Variants in ERP44 observed in about 807,000 individuals in gnomAD.
ERP44 encodes endoplasmic reticulum resident protein 44.
ERP44 carries 25 observed loss-of-function variants against 53.4 expected under a neutral mutation model. That is an observed-to-expected ratio of 0.47 (90% CI 0.34 to 0.65). The LOEUF (loss-of-function observed/expected upper bound fraction) is 0.65, where lower values mean the gene tolerates loss of function less well. ERP44 is among the 30% of genes least tolerant of loss of function. The pLI, the probability that ERP44 is intolerant of heterozygous loss-of-function variation, is 0.01. For missense variants in ERP44, 338 were observed against 493.2 expected (o/e 0.69, Z 2.98); for synonymous variants, 145 against 161.2 (o/e 0.90, Z 0.76).
At chr9:100,055,163 TA>T (rs1265746182) in intron 3 of ERP44, among the ~76,000 whole-genome samples, 1 of 151,862 alleles carries the variant, frequency 6.6e-6, no homozygotes, top group African/African-American at 2.4e-5. Context: ...TTCTGAGCAT[TA>T]AAAAAAACCT....
intron 1 of ERP44, among the ~76,000 whole-genome samples, chr9:100,063,231 G>A (rs1352185545): frequency 1.3e-5 from 2 of 152,042 alleles, no homozygotes; most frequent in Admixed American, 6.6e-5. Flanking sequence ...AAAATACTGT[G>A]CTAATAAATA....
intron 4 of ERP44, among the ~76,000 whole-genome samples, chr9:100,026,114 C>T (rs1458703480): frequency 6.6e-6 from 1 of 152,184 alleles, no homozygotes; most frequent in African/African-American, 2.4e-5. Flanking sequence ...ATTAAGCCTG[C>T]AGTTGCAGAT....
At chr9:100,006,769 A>G (rs1830428863) in intron 9 of ERP44, 122 bp from the exon 10 acceptor site, 1 of 622,318 alleles carries the variant, frequency 1.6e-6, no homozygotes, top group Non-Finnish European at 2.7e-6. Flanking sequence ...TAAGAGTAAT[A>G]TAGATCAGAA....
intron 10 of ERP44, among the ~76,000 whole-genome samples, chr9:99,989,118 A>G (rs1830226795): frequency 6.6e-6 from 1 of 152,236 alleles, no homozygotes; most frequent in Admixed American, 6.5e-5. Context: ...GGCATAGCTG[A>G]ATAAAAGGCA....
intron 10 of ERP44, chr9:99,999,060 A>G (rs1418056943): frequency 2.7e-6 from 2 of 745,524 alleles, no homozygotes; most frequent in Non-Finnish European, 2.4e-6. Flanking sequence ...CAGGAGGCGG[A>G]TGACCGCCTG....
chr9:100,037,104 T>C (rs1825854230), intron 4 of ERP44, among the ~76,000 whole-genome samples: 1 of 152,178 alleles, frequency 6.6e-6, no homozygotes, highest in Non-Finnish European at 1.5e-5. Context: ...AAAAACTGTC[T>C]TGAATCACCA....
At chr9:100,008,610 A>C (rs973396059) in intron 8 of ERP44, among the ~76,000 whole-genome samples, 6 of 152,334 alleles carry the variant, frequency 3.9e-5, no homozygotes, top group African/African-American at 1.4e-4. Context: ...ATTTTTTAAA[A>C]AACAAACTGG....
At chr9:100,066,202 T>A (rs1158850660) in intron 1 of ERP44, among the ~76,000 whole-genome samples, 1 of 152,244 alleles carries the variant, frequency 6.6e-6, no homozygotes, top group African/African-American at 2.4e-5. Context: ...ATGTTTTTGA[T>A]CCTCAAATAT....
chr9:100,065,420 C>T (rs1260356904), intron 1 of ERP44, among the ~76,000 whole-genome samples: 1 of 152,074 alleles, frequency 6.6e-6, no homozygotes, highest in Admixed American at 6.5e-5. Flanking sequence ...ATATCCCCGT[C>T]ATCATGCCAT....
At chr9:100,065,683 A>G (rs1826203497) in intron 1 of ERP44, among the ~76,000 whole-genome samples, 1 of 152,210 alleles carries the variant, frequency 6.6e-6, no homozygotes, top group Non-Finnish European at 1.5e-5. Context: ...GAAGAGTTAT[A>G]TTACATTAGT....
chr9:100,022,120 T>G lies in ERP44; in HGVS notation c.393A>C (p.Ala131=), dbSNP rs1564091747. The change falls in exon 5 of 12, where the codon GCA becomes GCC. Residue 131 remains alanine (A), a synonymous_variant. Transcript: ENST00000262455. ...REYRGQRSVK[A]LADYIRQQKS... Reference sequence around the variant, plus strand: ...TTTGTTGCCTGATGTAATCTGCCAATGCTTTCACTGATCGCTGACCCCTGT... The same window carrying G: ...TTTGTTGCCTGATGTAATCTGCCAAGGCTTTCACTGATCGCTGACCCCTGT... The G allele has an allele frequency of 6.2e-7, 1 of 1,614,026 alleles. No individual in the cohort carries two copies. Among genetic ancestry groups the G allele is most frequent in the Non-Finnish European group, 8.5e-7 (1 of 1,179,912 alleles).
intron 1 of ERP44, among the ~76,000 whole-genome samples, chr9:100,083,028 A>T (rs1587984856): frequency 6.6e-6 from 1 of 152,208 alleles, no homozygotes; most frequent in Admixed American, 6.5e-5. Flanking sequence ...ACACAAGCAC[A>T]CTTACTACAC....
chr9:100,025,411 A>G (rs1830641223), intron 4 of ERP44, among the ~76,000 whole-genome samples: 1 of 152,256 alleles, frequency 6.6e-6, no homozygotes, highest in Admixed American at 6.5e-5. Context: ...CTACATACAA[A>G]GGATAATACA....
rs1452637630 is a variant in ERP44, at chr9:99,979,795, G to A, written c.*2817C>T. ...TTCTACCTGAAATGGTCTGATTCAC[G>A]GTTCAGAGGGGGAACAAGTCTAAAT... On this transcript the variant is annotated 3_prime_UTR_variant, in exon 12 of 12. Coordinates refer to ENST00000262455, the MANE Select transcript of ERP44 (RefSeq NM_015051.3). 1 of 380,474 alleles carries A rather than the reference G, an allele frequency of 2.6e-6. No homozygotes were observed. The highest frequency in any genetic ancestry group is 4.7e-6 in the Non-Finnish European group (1 of 214,676). The allele number at this position is 380,474 out of a possible 1,614,324, so 23.6% of individuals were successfully genotyped here.
intron 10 of ERP44, among the ~76,000 whole-genome samples, chr9:99,994,216 G>A (rs1024112040): frequency 7.9e-5 from 12 of 152,142 alleles, no homozygotes; most frequent in East Asian, 7.7e-4. Flanking sequence ...TGTTAATCGC[G>A]GCACTATTCA....
chr9:100,081,677 T>C (rs1193797420), intron 1 of ERP44, among the ~76,000 whole-genome samples: 1 of 152,134 alleles, frequency 6.6e-6, no homozygotes, highest in Admixed American at 6.5e-5. Flanking sequence ...AGAAAAAATA[T>C]ACATCTGTCT....
At chr9:99,998,568 G>A in intron 10 of ERP44, 1 of 732,264 alleles carries the variant, frequency 1.4e-6, no homozygotes, top group African/African-American at 1.7e-5. Context: ...TCAGGCTCGT[G>A]GTGAGCTCTG....
At chr9:100,085,191 A>T (rs1258029068) in intron 1 of ERP44, among the ~76,000 whole-genome samples, 2 of 152,236 alleles carry the variant, frequency 1.3e-5, no homozygotes, top group African/African-American at 4.8e-5. Flanking sequence ...TCGTTGTAGA[A>T]TGGAAAATAC....
intron 1 of ERP44, among the ~76,000 whole-genome samples, chr9:100,071,363 CT>C (rs1369942952): frequency 6.6e-6 from 1 of 152,256 alleles, no homozygotes; most frequent in African/African-American, 2.4e-5. Flanking sequence ...CAAAGAATGC[CT>C]TTATTTCATT....
Sources: gnomAD v4.1 joint callset for allele counts (sites outside exome capture counted in the v4.1 genomes callset) on GRCh38, gnomAD v4.1.1 for gene constraint, MANE v1.5 for transcripts, NCBI Gene and HGNC (gene_info 2026-07-23, HGNC 2026-07-21) for gene names.